FXYD6: variants seen among roughly 807,000 people sequenced by gnomAD.
FXYD6 encodes FXYD domain-containing ion transport regulator 6.
Under a neutral mutation model 16.7 loss-of-function variants are expected in FXYD6, and 7 were observed. The observed-to-expected ratio is 0.42, with a 90% CI of 0.24 to 0.79. The LOEUF is 0.79. Among genes scored for constraint, FXYD6 ranks in the 30% least tolerant of loss-of-function variants. The pLI, the probability that FXYD6 is intolerant of heterozygous loss-of-function variation, is 0.28. For synonymous variants in FXYD6, 49 were observed against 43.0 expected (o/e 1.14, Z -0.54); for missense variants, 111 against 116.2 (o/e 0.95, Z 0.21).
In FXYD6 at chr11:117,870,021, C is replaced by T. The variant is rs2057101581; in HGVS notation, c.-6+6571G>A. ...CCAGCCTGGTCCGTGGGGCCCCAGC[C>T]CCCTTCCCAGGTCTTGCTGTCACCT... On this transcript the variant is annotated intron_variant, in intron 1 of 7. Coordinates refer to ENST00000526014, the MANE Select transcript of FXYD6 (RefSeq NM_022003.4). This position sits in a 1 kb window ranked among gnomAD's most constrained non-coding sequence, Gnocchi z 4.2. 1.3e-5 allele frequency among the ~76,000 whole-genome samples: 2 copies of T among 152,194 alleles called. No homozygotes were observed. Among genetic ancestry groups the T allele is most frequent in the Non-Finnish European group, 2.9e-5 (2 of 68,028 alleles).
intron 1 of FXYD6, among the ~76,000 whole-genome samples, chr11:117,873,573 C>T (rs903333190): frequency 1.3e-5 from 2 of 152,248 alleles, no homozygotes; most frequent in African/African-American, 4.8e-5. Context: ...GGCTCCCTGC[C>T]TCCTTGGGGC....
At chr11:117,851,433 A>C (rs748645043) in intron 1 of FXYD6, among the ~76,000 whole-genome samples, 1 of 152,222 alleles carries the variant, frequency 6.6e-6, no homozygotes, top group African/African-American at 2.4e-5. Context: ...CATGAACCAC[A>C]TAAGTGAGCT....
intron 2 of FXYD6, among the ~76,000 whole-genome samples, chr11:117,842,511 C>T (rs1013606463): frequency 7.9e-5 from 12 of 152,166 alleles, no homozygotes; most frequent in Non-Finnish European, 1.2e-4. Flanking sequence ...CCTTAGGGGG[C>T]GAGGGGGCAG....
chr11:117,842,938 C>CTT (rs149530999), intron 1 of FXYD6, among the ~76,000 whole-genome samples, 157 bp from the exon 2 acceptor site: 65 of 147,122 alleles, frequency 4.4e-4, no homozygotes, highest in African/African-American at 1.1e-3. Context: ...AAGCAGTTGA[C>CTT]TTTTTTTTTT....
chr11:117,846,527 C>T (rs1388041544), intron 1 of FXYD6, among the ~76,000 whole-genome samples: 1 of 152,200 alleles, frequency 6.6e-6, no homozygotes, highest in Non-Finnish European at 1.5e-5. Context: ...TATTTGACAT[C>T]TGAAACTGAT....
chr11:117,862,411 G>A (rs1415801118), intron 1 of FXYD6, among the ~76,000 whole-genome samples: 2 of 152,218 alleles, frequency 1.3e-5, no homozygotes, highest in Non-Finnish European at 2.9e-5. Flanking sequence ...GCAGAGACAG[G>A]AAAATGCACC....
intron 1 of FXYD6, among the ~76,000 whole-genome samples, chr11:117,849,394 A>G (rs1483485100): frequency 6.6e-6 from 1 of 152,228 alleles, no homozygotes; most frequent in Non-Finnish European, 1.5e-5. Context: ...AAACGTGTTG[A>G]GACTTGCTTT....
chr11:117,850,431 C>G (rs2056581730), intron 1 of FXYD6, among the ~76,000 whole-genome samples: 1 of 152,192 alleles, frequency 6.6e-6, no homozygotes, highest in Admixed American at 6.5e-5. Context: ...CTCTACCTTT[C>G]TGTGTCCTTA....
chr11:117,846,075 T>C (rs893128443), intron 1 of FXYD6, among the ~76,000 whole-genome samples: 4 of 152,194 alleles, frequency 2.6e-5, no homozygotes, highest in African/African-American at 9.7e-5. Context: ...CATATCACTG[T>C]CCCCATTACT....
intron 1 of FXYD6, among the ~76,000 whole-genome samples, chr11:117,867,202 A>C (rs959357869): frequency 6.6e-6 from 1 of 152,214 alleles, no homozygotes; most frequent in Non-Finnish European, 1.5e-5. Context: ...CAAGTTAACA[A>C]ATATTTATTG....
chr11:117,859,516 A>C (rs976554693), intron 1 of FXYD6, among the ~76,000 whole-genome samples: 4 of 152,208 alleles, frequency 2.6e-5, no homozygotes, highest in Admixed American at 2.0e-4. Flanking sequence ...TAATAATTAT[A>C]ATCACGACAA....
At chr11:117,842,122 G>C in intron 2 of FXYD6, 94 bp from the exon 3 acceptor site, 1 of 1,585,180 alleles carries the variant, frequency 6.3e-7, no homozygotes. Flanking sequence ...TCTCCACAAA[G>C]GAATTCCAGA....
At chr11:117,869,829 G>A (rs767011403) in intron 1 of FXYD6, among the ~76,000 whole-genome samples, 1 of 151,710 alleles carries the variant, frequency 6.6e-6, no homozygotes, top group Non-Finnish European at 1.5e-5. Flanking sequence ...GACCATAAGC[G>A]GAGGCATGGT....
chr11:117,843,126 G>C (rs2056394777), intron 1 of FXYD6, among the ~76,000 whole-genome samples: 1 of 152,114 alleles, frequency 6.6e-6, no homozygotes, highest in African/African-American at 2.4e-5. Context: ...GTAGAGACAG[G>C]GTTTCATCAT....
At chr11:117,854,910 C>T (rs1324087664) in intron 1 of FXYD6, among the ~76,000 whole-genome samples, 5 of 152,222 alleles carry the variant, frequency 3.3e-5, no homozygotes, top group Non-Finnish European at 5.9e-5. Context: ...TGAGCCTTAA[C>T]GCATTTCATG....
intron 1 of FXYD6, among the ~76,000 whole-genome samples, chr11:117,863,530 G>A (rs922375835): frequency 6.7e-6 from 1 of 149,928 alleles, no homozygotes; most frequent in Non-Finnish European, 1.5e-5. Flanking sequence ...AAGACTTAAC[G>A]CTTTTCCTCT....
intron 1 of FXYD6, among the ~76,000 whole-genome samples, chr11:117,850,532 C>A (rs1213601616): frequency 6.6e-6 from 1 of 152,152 alleles, no homozygotes; most frequent in Non-Finnish European, 1.5e-5. Flanking sequence ...GTCAAATTTA[C>A]CCCATTTAAT....
intron 1 of FXYD6, among the ~76,000 whole-genome samples, chr11:117,862,462 G>C (rs1483529561): frequency 6.6e-6 from 1 of 152,220 alleles, no homozygotes. Context: ...GACAGCTGCT[G>C]TTCCTGGGAG....
At chr11:117,871,687 T>G (rs2057140556) in intron 1 of FXYD6, among the ~76,000 whole-genome samples, 1 of 152,220 alleles carries the variant, frequency 6.6e-6, no homozygotes, top group South Asian at 2.1e-4. Context: ...GTGTCATTAC[T>G]ATCATTATTA....
Sources: gnomAD v4.1 joint callset for allele counts (sites outside exome capture counted in the v4.1 genomes callset) on GRCh38, gnomAD v4.1.1 for gene constraint, Gnocchi (gnomAD v3.1) non-coding constraint, MANE v1.5 for transcripts, NCBI Gene and HGNC (gene_info 2026-07-23, HGNC 2026-07-21) for gene names.